The following LRP12 variants were observed in gnomAD, a reference collection of about 807,000 sequenced individuals.
LRP12 encodes LDL receptor related protein 12.
A neutral mutation model predicts 66.0 loss-of-function variants in LRP12; 14 were observed. That is an observed-to-expected ratio of 0.21 (90% CI 0.14 to 0.33). The LOEUF (loss-of-function observed/expected upper bound fraction) is 0.33. LRP12 is among the 10% of genes least tolerant of loss of function. The pLI, the probability that LRP12 is intolerant of heterozygous loss-of-function variation, is 1.00. For synonymous variants in LRP12, 357 were observed against 359.1 expected (o/e 0.99, Z 0.07); for missense variants, 889 against 1,053.4 (o/e 0.84, Z 2.16).
chr8:104,586,385 TTA>T (rs1242316316), intron 1 of LRP12, among the ~76,000 whole-genome samples: 2 of 152,214 alleles, frequency 1.3e-5, no homozygotes, highest in African/African-American at 4.8e-5. Context: ...CTGTGAAGAA[TTA>T]ATATTGGAGT....
At chr8:104,548,174 AT>A (rs1384983224) in intron 1 of LRP12, among the ~76,000 whole-genome samples, 2 of 99,128 alleles carry the variant, frequency 2.0e-5, no homozygotes, top group East Asian at 4.9e-4. Context: ...TATATATAAT[AT>A]AATATATAAT....
At chr8:104,562,484 T>C (rs1811928176) in intron 1 of LRP12, among the ~76,000 whole-genome samples, 1 of 152,162 alleles carries the variant, frequency 6.6e-6, no homozygotes. Context: ...TGTCAAATAA[T>C]ACCAACAAAC....
At chr8:104,547,859 A>C (rs1355685915) in intron 1 of LRP12, among the ~76,000 whole-genome samples, 1 of 128,768 alleles carries the variant, frequency 7.8e-6, no homozygotes, top group Admixed American at 9.0e-5. Context: ...TATTTTGTAT[A>C]TAATATACAA....
intron 1 of LRP12, among the ~76,000 whole-genome samples, chr8:104,546,246 G>A (rs2140874077): frequency 6.6e-6 from 1 of 152,144 alleles, no homozygotes; most frequent in South Asian, 2.1e-4. Flanking sequence ...TATAAAATCA[G>A]CTTTGTTGAG....
At chr8:104,540,757 C>G (rs1328451410) in intron 1 of LRP12, among the ~76,000 whole-genome samples, 1 of 152,140 alleles carries the variant, frequency 6.6e-6, no homozygotes, top group Non-Finnish European at 1.5e-5. Context: ...GTTGTTGAGA[C>G]AGAGTCTCGC....
intron 2 of LRP12, among the ~76,000 whole-genome samples, chr8:104,509,824 A>C (rs1374788889): frequency 6.6e-6 from 1 of 152,194 alleles, no homozygotes; most frequent in Admixed American, 6.5e-5. Flanking sequence ...CAAACTGCAA[A>C]AGTTAATGGC....
chr8:104,490,549 A>G lies in LRP12; in HGVS notation c.*124T>C, dbSNP rs1810601965. 3 of 1,096,686 alleles carry G rather than the reference A, an allele frequency of 2.7e-6. No homozygotes were observed. The highest frequency in any genetic ancestry group is 1.6e-5 in the African/African-American group (1 of 62,954). 67.9% of individuals were successfully genotyped at this position (1,096,686 alleles called of 1,614,324 possible). ...CGAATTTAACCATGCAGGCTAACAT[A>G]TAATAATAAGAAATCACCCTGCATT... On this transcript the variant is annotated 3_prime_UTR_variant, in exon 7 of 7. Coordinates refer to ENST00000276654, the MANE Select transcript of LRP12 (RefSeq NM_013437.5).
intron 1 of LRP12, among the ~76,000 whole-genome samples, chr8:104,572,172 C>T (rs1187702230): frequency 1.3e-5 from 2 of 152,168 alleles, no homozygotes; most frequent in Non-Finnish European, 2.9e-5. Flanking sequence ...ATGTGTTGGA[C>T]AATTCCATTT....
intron 1 of LRP12, among the ~76,000 whole-genome samples, chr8:104,579,513 T>C (rs1186216719): frequency 1.3e-5 from 2 of 152,178 alleles, no homozygotes; most frequent in African/African-American, 4.8e-5. Context: ...CCCAAACCAA[T>C]TTACAGATTC....
Position 104,497,408 on chromosome 8 carries a change from A to G in LRP12, c.1144T>C (p.Cys382Arg). The G allele has an allele frequency of 6.2e-7, 1 of 1,614,120 alleles. No homozygotes were observed. Among genetic ancestry groups the G allele is most frequent in the South Asian group, 1.1e-5 (1 of 91,068 alleles). ...GTATAACACCCCCAGTTACCTCCAC[A>G]GGGTATTTCCCATGGCAAACAGAAC... ...DGFCLPWEIP[C>R]GGNWGCYTEQ... The change falls in exon 5 of 7, where the codon TGT (cysteine) becomes CGT (arginine). Residue 382 changes from cysteine to arginine, a missense_variant. Coordinates refer to ENST00000276654, the MANE Select transcript of LRP12 (RefSeq NM_013437.5). This position sits in a 1 kb window ranked among gnomAD's most constrained non-coding sequence, Gnocchi z 4.3.
chr8:104,499,218 C>T, intron 4 of LRP12, 99 bp downstream of exon 4: 1 of 936,446 alleles, frequency 1.1e-6, no homozygotes. Context: ...AGGGCCTACT[C>T]CTAATTAAAT....
chr8:104,496,890 A>G lies in LRP12; in HGVS notation c.1580+82T>C, dbSNP rs2140831957. 5 of 1,321,316 alleles carry G rather than the reference A, an allele frequency of 3.8e-6. No individual in the cohort carries two copies. The Middle Eastern group carries it at 6.1e-4, about 161-fold the overall frequency. The allele number at this position is 1,321,316 out of a possible 1,614,324, so 81.8% of individuals were successfully genotyped here. On this transcript the variant is annotated intron_variant, in intron 5 of 6. Transcript: ENST00000276654. ...TTCTAAACTAATATAAAACAAAAAT[A>G]CATTGCTAATCATCAAAGAACTTGT...
chr8:104,509,888 T>C (rs1051287620), intron 2 of LRP12, among the ~76,000 whole-genome samples: 6 of 152,128 alleles, frequency 3.9e-5, no homozygotes, highest in Non-Finnish European at 8.8e-5. Context: ...TGGACAGCAA[T>C]CAGGTTTGGT....
Position 104,490,559 on chromosome 8 carries a change from G to T in LRP12, c.*114C>A, listed in dbSNP as rs1043702880. The T allele has an allele frequency of 6.1e-5, 74 of 1,212,232 alleles. No homozygotes were observed. Among genetic ancestry groups the T allele is most frequent in the South Asian group, 3.4e-4 (22 of 64,024 alleles). 75.1% of individuals were successfully genotyped at this position (1,212,232 alleles called of 1,614,324 possible). ...CATGCAGGCTAACATATAATAATAA[G>T]AAATCACCCTGCATTTTTTCTTTTT... On this transcript the variant is annotated 3_prime_UTR_variant, in exon 7 of 7. Transcript: ENST00000276654.
intron 2 of LRP12, among the ~76,000 whole-genome samples, chr8:104,517,778 G>T (rs1271398101): frequency 6.6e-6 from 1 of 151,958 alleles, no homozygotes; most frequent in Non-Finnish European, 1.5e-5. Context: ...TCCAAGTGTT[G>T]AAAACTAGTA....
chr8:104,500,870 T>C (rs1404783696), intron 3 of LRP12, among the ~76,000 whole-genome samples: 1 of 152,348 alleles, frequency 6.6e-6, no homozygotes, highest in Non-Finnish European at 1.5e-5. Flanking sequence ...AAAACATGTT[T>C]ATACGAATTT....
chr8:104,545,734 A>C (rs1243905319), intron 1 of LRP12, among the ~76,000 whole-genome samples: 1 of 152,194 alleles, frequency 6.6e-6, no homozygotes, highest in East Asian at 1.9e-4. Context: ...CATAACTTTT[A>C]TATGCACTGG....
At chr8:104,578,330 A>C (rs181745424) in intron 1 of LRP12, among the ~76,000 whole-genome samples, 1 of 152,306 alleles carries the variant, frequency 6.6e-6, no homozygotes, top group African/African-American at 2.4e-5. Flanking sequence ...CACCTTCCTA[A>C]GACTAAACCA....
chr8:104,521,611 T>A (rs918663716), intron 2 of LRP12, among the ~76,000 whole-genome samples: 46 of 150,278 alleles, frequency 3.1e-4, no homozygotes, highest in African/African-American at 4.6e-4. Context: ...AGTAATGTTT[T>A]TATATATATA....
Sources: allele counts gnomAD v4.1 joint callset (sites outside exome capture counted in the v4.1 genomes callset), GRCh38; gene constraint gnomAD v4.1.1; non-coding constraint Gnocchi (gnomAD v3.1); transcripts MANE v1.5; gene names NCBI Gene and HGNC (gene_info 2026-07-23, HGNC 2026-07-21).